Variants in TBCA observed in about 807,000 individuals in gnomAD.
TBCA encodes the protein tubulin-specific chaperone A.
TBCA carries 6 observed loss-of-function variants against 15.8 expected under a neutral mutation model. That is an observed-to-expected ratio of 0.38 (90% confidence interval 0.21 to 0.75). TBCA has a LOEUF of 0.75. TBCA is among the 30% of genes least tolerant of loss of function. The pLI, the probability that TBCA is intolerant of heterozygous loss-of-function variation, is 0.46. For synonymous variants in TBCA, 32 were observed against 42.3 expected (o/e 0.76, Z 0.94); for missense variants, 90 against 131.2 (o/e 0.69, Z 1.53).
chr5:77,694,053 G>A (rs138868395), intron 2 of TBCA, among the ~76,000 whole-genome samples: 2 of 152,144 alleles, frequency 1.3e-5, no homozygotes, highest in East Asian at 3.9e-4. Flanking sequence ...CATCTTTTGA[G>A]TAATAAAGAA....
intron 1 of TBCA, among the ~76,000 whole-genome samples, chr5:77,744,587 G>A (rs2112483932): frequency 7.4e-6 from 1 of 134,526 alleles, no homozygotes. Context: ...CCACACTGGA[G>A]GACAGTGGCG....
intron 1 of TBCA, among the ~76,000 whole-genome samples, chr5:77,738,965 G>T (rs1177346156): frequency 6.6e-6 from 1 of 152,204 alleles, no homozygotes; most frequent in Non-Finnish European, 1.5e-5. Context: ...CATGACTCAT[G>T]AAATCAACCC....
At chr5:77,706,642 T>C (rs1746156346) in intron 2 of TBCA, among the ~76,000 whole-genome samples, 1 of 151,348 alleles carries the variant, frequency 6.6e-6, no homozygotes, top group Non-Finnish European at 1.5e-5. Flanking sequence ...CAAAACCCCG[T>C]CTCTACTAAA....
At chr5:77,756,009 AAAC>A (rs1184861456) in intron 1 of TBCA, among the ~76,000 whole-genome samples, 1 of 151,800 alleles carries the variant, frequency 6.6e-6, no homozygotes, top group Non-Finnish European at 1.5e-5. Flanking sequence ...TTATCTCAAA[AAAC>A]AACAACAACA....
intron 1 of TBCA, among the ~76,000 whole-genome samples, chr5:77,745,505 T>G (rs1747165729): frequency 6.6e-6 from 1 of 152,222 alleles, no homozygotes; most frequent in African/African-American, 2.4e-5. Flanking sequence ...AAGACACTAG[T>G]CTGAATTTTC....
intron 1 of TBCA, among the ~76,000 whole-genome samples, chr5:77,724,927 C>T (rs906238588): frequency 3.3e-5 from 5 of 152,102 alleles, no homozygotes; most frequent in African/African-American, 2.4e-5. Context: ...TATATAAATT[C>T]GTAACATCAT....
intron 2 of TBCA, among the ~76,000 whole-genome samples, chr5:77,699,065 C>T (rs1430948283): frequency 9.6e-6 from 1 of 104,596 alleles, no homozygotes; most frequent in Non-Finnish European, 1.9e-5. Context: ...AAAAGAAATA[C>T]TTAGCTATAC....
intron 2 of TBCA, 125 bp from the exon 3 acceptor site, chr5:77,693,477 C>A: frequency 8.9e-7 from 1 of 1,118,610 alleles, no homozygotes; most frequent in South Asian, 1.6e-5. Flanking sequence ...TTAAATGGTT[C>A]AATATTTTAA....
chr5:77,731,578 ATC>A (rs1439201667), intron 1 of TBCA, among the ~76,000 whole-genome samples: 1 of 152,166 alleles, frequency 6.6e-6, no homozygotes, highest in Non-Finnish European at 1.5e-5. Context: ...TGCAGTGTTC[ATC>A]TCTTTCTTAC....
chr5:77,717,740 G>A (rs1407791417), intron 1 of TBCA, among the ~76,000 whole-genome samples: 2 of 152,116 alleles, frequency 1.3e-5, no homozygotes, highest in East Asian at 3.9e-4. Context: ...GCTGAGGCAG[G>A]AGAATCGCTT....
intron 1 of TBCA, among the ~76,000 whole-genome samples, chr5:77,772,181 G>A (rs1412986356): frequency 1.3e-5 from 2 of 151,794 alleles, no homozygotes; most frequent in East Asian, 3.9e-4. Context: ...TTGGAGAGAG[G>A]AGGAAAAAAG....
chr5:77,737,845 T>C (rs572190480), intron 1 of TBCA, among the ~76,000 whole-genome samples: 1 of 152,354 alleles, frequency 6.6e-6, no homozygotes, highest in East Asian at 1.9e-4. Context: ...TACTGATACA[T>C]CTTTCCTCTT....
chr5:77,711,182 T>C (rs1257455235), intron 1 of TBCA, among the ~76,000 whole-genome samples: 1 of 152,204 alleles, frequency 6.6e-6, no homozygotes, highest in African/African-American at 2.4e-5. Context: ...TCAAATTTAA[T>C]ATCCATAAAT....
intron 2 of TBCA, among the ~76,000 whole-genome samples, chr5:77,700,443 CA>C (rs1745986679): frequency 6.6e-6 from 1 of 151,896 alleles, no homozygotes; most frequent in African/African-American, 2.4e-5. Flanking sequence ...AGCAAATAAG[CA>C]CATGAAAAAA....
chr5:77,710,585 T>C (rs1746256670), intron 1 of TBCA, among the ~76,000 whole-genome samples: 1 of 152,182 alleles, frequency 6.6e-6, no homozygotes, highest in African/African-American at 2.4e-5. Flanking sequence ...AGATTTGACA[T>C]ATACATCTGA....
At chr5:77,746,246 T>C (rs1747184354) in intron 1 of TBCA, among the ~76,000 whole-genome samples, 1 of 152,072 alleles carries the variant, frequency 6.6e-6, no homozygotes, top group Admixed American at 6.6e-5. Context: ...CTGGGCAACA[T>C]ATTGAGGCCC....
chr5:77,721,502 AAG>A (rs1230060246), intron 1 of TBCA, among the ~76,000 whole-genome samples: 2 of 151,690 alleles, frequency 1.3e-5, no homozygotes, highest in Admixed American at 1.3e-4. Context: ...AGAAAAACTT[AAG>A]AGTTACAAAT....
intron 1 of TBCA, among the ~76,000 whole-genome samples, chr5:77,740,037 CAG>C (rs1165404341): frequency 1.1e-4 from 17 of 152,064 alleles, no homozygotes; most frequent in Non-Finnish European, 1.3e-4. Context: ...ATTAGCAGGA[CAG>C]AGACTGGAAA....
intron 1 of TBCA, among the ~76,000 whole-genome samples, chr5:77,752,106 T>C (rs1747359440): frequency 1.3e-5 from 2 of 152,240 alleles, no homozygotes; most frequent in Non-Finnish European, 2.9e-5. Context: ...CTCCTTCATT[T>C]TGCAGCATTT....
Sources: allele counts gnomAD v4.1 joint callset (sites outside exome capture counted in the v4.1 genomes callset), GRCh38; gene constraint gnomAD v4.1.1; transcripts MANE v1.5; gene names NCBI Gene and HGNC (gene_info 2026-07-23, HGNC 2026-07-21).